EPB41L5: variants seen among roughly 807,000 people sequenced by gnomAD.
EPB41L5 encodes the protein erythrocyte membrane protein band 4.1 like 5, also known as band 4.1-like protein 5.
EPB41L5 carries 55 observed loss-of-function variants against 106.6 expected under a neutral mutation model. That is an observed-to-expected ratio of 0.52 (90% CI 0.42 to 0.65). EPB41L5 has a LOEUF of 0.65. Among genes scored for constraint, EPB41L5 ranks in the 30% least tolerant of loss-of-function variants. EPB41L5 has a pLI of 0.00. For synonymous variants in EPB41L5, 297 were observed against 306.7 expected (o/e 0.97, Z 0.33); for missense variants, 871 against 882.1 (o/e 0.99, Z 0.16).
rs576728530 is a variant in EPB41L5, at chr2:120,143,039, A to G, written c.1636A>G (p.Asn546Asp). 6.2e-7 allele frequency: 1 copy of G among 1,613,032 alleles called. No homozygotes were observed. Among genetic ancestry groups the G allele is most frequent in the South Asian group, 1.1e-5 (1 of 91,000 alleles). ...GAAGTTGACTGAGAAATGCCTTAAT[A>G]ATGTCATTGAGAGCCCAGGATTGAA... Reference protein sequence around the residue: ...VVKLTEKCLNNVIESPGLNVM... With the variant: ...VVKLTEKCLNDVIESPGLNVM... The change falls in exon 19 of 25, where the codon AAT becomes GAT. Residue 546 changes from asparagine to aspartate, a missense_variant. Physicochemically the swap from Asn to Asp is conservative, Grantham distance 23. Coordinates refer to ENST00000263713, the MANE Select transcript of EPB41L5 (RefSeq NM_020909.4).
intron 2 of EPB41L5, among the ~76,000 whole-genome samples, chr2:120,020,904 T>G (rs187417640): frequency 4.6e-5 from 7 of 152,292 alleles, no homozygotes; most frequent in African/African-American, 1.7e-4. Flanking sequence ...AAATGGCTAG[T>G]TACTGATCTG....
At chr2:120,041,802 A>G (rs1441554829) in intron 2 of EPB41L5, among the ~76,000 whole-genome samples, 1 of 152,200 alleles carries the variant, frequency 6.6e-6, no homozygotes, top group East Asian at 1.9e-4. Context: ...CCAGGAAAAC[A>G]CATAAATCGC....
rs1317677826 is a variant in EPB41L5, at chr2:120,178,599, T to C, written c.*3692T>C. 1 of 152,266 alleles carries C rather than the reference T, an allele frequency of 6.6e-6. No individual in the cohort carries two copies. The highest frequency in any genetic ancestry group is 1.5e-5 in the Non-Finnish European group (1 of 68,038). The allele number at this position is 152,266 out of a possible 1,614,324, so 9.4% of individuals were successfully genotyped here. ...TTTATCCTCTCAAAAATTTAAACAC[T>C]GTACCTCTTCAGTGGTCAGAAGAAA... is the stretch of plus-strand genomic sequence containing the variant. On this transcript the variant is annotated 3_prime_UTR_variant, in exon 25 of 25. Coordinates refer to ENST00000263713, the MANE Select transcript of EPB41L5 (RefSeq NM_020909.4).
intron 16 of EPB41L5, chr2:120,104,275 A>G (rs754414749): frequency 3.3e-6 from 5 of 1,519,592 alleles, no homozygotes; most frequent in Non-Finnish European, 4.4e-6. Flanking sequence ...ACTCTTTGTC[A>G]TGCAAGTTGA....
intron 2 of EPB41L5, among the ~76,000 whole-genome samples, chr2:120,029,078 G>T (rs1436660533): frequency 6.6e-6 from 1 of 152,154 alleles, no homozygotes; most frequent in African/African-American, 2.4e-5. Context: ...GAAGGAGATA[G>T]CACGGCAGTT....
intron 16 of EPB41L5, among the ~76,000 whole-genome samples, chr2:120,115,641 C>T (rs1217060956): frequency 6.6e-6 from 1 of 152,100 alleles, no homozygotes; most frequent in Non-Finnish European, 1.5e-5. Flanking sequence ...CCGCCTGCCT[C>T]GGCCTCCCAA....
intron 1 of EPB41L5, among the ~76,000 whole-genome samples, chr2:120,017,335 A>G (rs1332858103): frequency 1.3e-5 from 2 of 152,172 alleles, no homozygotes; most frequent in Admixed American, 6.5e-5. Flanking sequence ...TGTTGTGGTT[A>G]TTGTTCGATC....
chr2:120,168,724 T>C (rs1294311888), intron 24 of EPB41L5, among the ~76,000 whole-genome samples: 1 of 152,112 alleles, frequency 6.6e-6, no homozygotes, highest in Non-Finnish European at 1.5e-5. Flanking sequence ...TGAAAGAAAT[T>C]CAGTTTAATT....
At chr2:120,062,070 A>G (rs567520381) in intron 3 of EPB41L5, among the ~76,000 whole-genome samples, 136 of 152,304 alleles carry the variant, frequency 8.9e-4, no homozygotes, top group Middle Eastern at 3.4e-3. Context: ...AAGGATGCCT[A>G]CTATTACCAT....
chr2:120,033,841 C>T lies in EPB41L5; in HGVS notation c.181-8165C>T, dbSNP rs148432933. On this transcript the variant is annotated intron_variant, in intron 2 of 24. Transcript: ENST00000263713. ...AGGTGTGATGGCTCACGCTTATAAT[C>T]CCAGCACTTTGGGAGGCTGAGGTGG... Among the ~76,000 whole-genome samples, 909 of 152,200 alleles carry T rather than the reference C, an allele frequency of 6.0e-3. 8 individuals are homozygous for T. The highest frequency in any genetic ancestry group is 0.021 in the African/African-American group (870 of 41,554).
chr2:120,134,791 A>G (rs1452267550), intron 18 of EPB41L5, among the ~76,000 whole-genome samples: 2 of 152,226 alleles, frequency 1.3e-5, no homozygotes, highest in African/African-American at 4.8e-5. Flanking sequence ...TTGTATCACA[A>G]CATTCAGTTC....
At chr2:120,173,476 C>T (rs528978864) in intron 24 of EPB41L5, among the ~76,000 whole-genome samples, 9 of 152,144 alleles carry the variant, frequency 5.9e-5, no homozygotes, top group African/African-American at 2.2e-4. Context: ...ATTTGCATTT[C>T]TCCCAAATTC....
At chr2:120,152,136 A>T (rs1686707533) in intron 20 of EPB41L5, among the ~76,000 whole-genome samples, 1 of 152,212 alleles carries the variant, frequency 6.6e-6, no homozygotes, top group African/African-American at 2.4e-5. Context: ...TCAGTCTTTC[A>T]CCATTGAGTG....
At position 120,109,031 on chromosome 2, in the gene EPB41L5, T is replaced by C. The variant is rs1403712751; in HGVS notation, c.1337+8217T>C. On this transcript the variant is annotated intron_variant, in intron 16 of 24. Coordinates refer to ENST00000263713, the MANE Select transcript of EPB41L5 (RefSeq NM_020909.4). ...AGATTTCAGGAGTCTTGTATTGATA[T>C]CTCTTTTTTTGATTCATCTTATTTG... Among the ~76,000 whole-genome samples, 4 of 152,208 alleles carry C rather than the reference T, an allele frequency of 2.6e-5. No homozygotes were observed. In the East Asian group the frequency reaches 7.7e-4, roughly 29 times the overall value.
intron 18 of EPB41L5, among the ~76,000 whole-genome samples, chr2:120,141,493 A>AT (rs1223463797): frequency 6.6e-6 from 1 of 152,124 alleles, no homozygotes; most frequent in African/African-American, 2.4e-5. Flanking sequence ...GGGGACTAGA[A>AT]TATCACAGCA....
At chr2:120,144,883 T>G (rs1686332349) in intron 19 of EPB41L5, among the ~76,000 whole-genome samples, 1 of 152,186 alleles carries the variant, frequency 6.6e-6, no homozygotes, top group Non-Finnish European at 1.5e-5. Flanking sequence ...GTTCACCATA[T>G]TAAAAAATAC....
intron 1 of EPB41L5, chr2:120,013,692 A>T (rs554708570): frequency 6.6e-6 from 1 of 152,284 alleles, no homozygotes; most frequent in Non-Finnish European, 1.5e-5. Context: ...GTGTGTTCCC[A>T]TGAAAGACGA....
At position 120,178,927 on chromosome 2, in the gene EPB41L5, G is replaced by T. The variant is rs1260728898; in HGVS notation, c.*4020G>T. ...ATGAGGGTCTCACTAACTATTTTGT[G>T]TTTACCTTTTATATGTGTAAAACTT... On this transcript the variant is annotated 3_prime_UTR_variant, in exon 25 of 25. Transcript: ENST00000263713. The T allele has an allele frequency of 2.0e-5, 3 of 152,104 alleles. No individual in the cohort carries two copies. The highest frequency in any genetic ancestry group is 2.0e-4 in the Admixed American group (3 of 15,278). 9.4% of individuals were successfully genotyped at this position (152,104 alleles called of 1,614,324 possible).
At chr2:120,104,132 G>C in intron 16 of EPB41L5, 1 of 1,536,048 alleles carries the variant, frequency 6.5e-7, no homozygotes, top group East Asian at 2.4e-5. Context: ...CCCCACCCCA[G>C]ACCGCACATA....
Sources: gnomAD v4.1 joint callset for allele counts (sites outside exome capture counted in the v4.1 genomes callset) on GRCh38, gnomAD v4.1.1 for gene constraint, MANE v1.5 for transcripts, NCBI Gene and HGNC (gene_info 2026-07-23, HGNC 2026-07-21) for gene names.